Variants in GALNT18 observed in about 807,000 individuals in gnomAD.
GALNT18 encodes polypeptide N-acetylgalactosaminyltransferase 18, also known as GalNAc-transferase 18.
GALNT18 carries 44 observed loss-of-function variants against 69.5 expected under a neutral mutation model. That is an observed-to-expected ratio of 0.63 (90% CI 0.50 to 0.81). The LOEUF (loss-of-function observed/expected upper bound fraction) is 0.81. Among genes scored for constraint, GALNT18 ranks in the 40% least tolerant of loss-of-function variants. The pLI, the probability that GALNT18 is intolerant of heterozygous loss-of-function variation, is 0.00. For missense variants in GALNT18, 715 were observed against 810.0 expected (o/e 0.88, Z 1.42); for synonymous variants, 364 against 318.2 (o/e 1.14, Z -1.53).
Position 11,572,739 on chromosome 11 carries a change from G to A in GALNT18, c.235+48620C>T, listed in dbSNP as rs116753946. ...GGAACAGATGGCCCTCGCAACCCTC[G>A]CCTTCCTGCCAACTATTAGGATGCA... On this transcript the variant is annotated intron_variant, in intron 1 of 10. Transcript: ENST00000227756. 8.2e-3 allele frequency among the ~76,000 whole-genome samples: 1,242 copies of A among 152,254 alleles called. 24 individuals carry two copies. The highest frequency in any genetic ancestry group is 0.029 in the African/African-American group (1,188 of 41,550).
intron 1 of GALNT18, among the ~76,000 whole-genome samples, chr11:11,453,962 G>T (rs1855867491): frequency 6.6e-6 from 1 of 152,230 alleles, no homozygotes. Flanking sequence ...GCTCTGTGAG[G>T]TCAGGCATTT....
chr11:11,326,869 C>T (rs1464786686), intron 9 of GALNT18, among the ~76,000 whole-genome samples: 1 of 152,206 alleles, frequency 6.6e-6, no homozygotes, highest in Non-Finnish European at 1.5e-5. Flanking sequence ...GGAGTCATAG[C>T]ATCCACTCCC....
chr11:11,477,932 C>A (rs980274704), intron 1 of GALNT18, among the ~76,000 whole-genome samples: 55 of 152,174 alleles, frequency 3.6e-4, no homozygotes, highest in African/African-American at 1.3e-3. Context: ...GCCAGAAAGT[C>A]CTACAATTAG....
rs1441989935 is a variant in GALNT18 at position 11,382,559 on chromosome 11, T to C, written c.596-3295A>G. On this transcript the variant is annotated intron_variant, in intron 3 of 10. Transcript: ENST00000227756. The surrounding 1 kb of genome is among the most constrained non-coding windows in gnomAD (Gnocchi z 4.3). Reference sequence around the variant, plus strand: ...TTTGGAGTTGAACTTGTGTTTTTTCTTACAGCCAAACACAAGTACCCAGCC... The same window carrying C: ...TTTGGAGTTGAACTTGTGTTTTTTCCTACAGCCAAACACAAGTACCCAGCC... 6.6e-6 allele frequency among the ~76,000 whole-genome samples: 1 copy of C among 152,202 alleles called. No homozygotes were observed. Among genetic ancestry groups the C allele is most frequent in the Non-Finnish European group, 1.5e-5 (1 of 68,036 alleles).
At chr11:11,292,196 C>T (rs1849313539) in intron 10 of GALNT18, among the ~76,000 whole-genome samples, 1 of 152,168 alleles carries the variant, frequency 6.6e-6, no homozygotes, top group Non-Finnish European at 1.5e-5. Flanking sequence ...GGCTCCCTCA[C>T]TTCCTGTTAT....
At position 11,444,233 on chromosome 11, in the gene GALNT18, G is replaced by T. The variant is rs897710122; in HGVS notation, c.428+4511C>A. 7.3e-5 allele frequency among the ~76,000 whole-genome samples: 11 copies of T among 151,432 alleles called. No individual in the cohort carries two copies. Among genetic ancestry groups the T allele is most frequent in the Non-Finnish European group, 1.6e-4 (11 of 67,914 alleles). ...GGCCCCGCCTCCCTGCCACAGAGAG[G>T]TGCCTTGCAGATGCCACCCTCCAGG... On this transcript the variant is annotated intron_variant, in intron 2 of 10. Coordinates refer to ENST00000227756, the MANE Select transcript of GALNT18 (RefSeq NM_198516.3). The surrounding 1 kb of genome is among the most constrained non-coding windows in gnomAD (Gnocchi z 4.4).
intron 1 of GALNT18, among the ~76,000 whole-genome samples, chr11:11,611,814 G>A (rs1859910601): frequency 6.6e-6 from 1 of 152,180 alleles, no homozygotes; most frequent in Admixed American, 6.5e-5. Context: ...ACCAGTTCCT[G>A]GAGGCCCCAC....
Position 11,332,321 on chromosome 11 carries a change from GAGGCACACAGGGTGACTCATAGACCCTC to G in GALNT18, c.1416+345_1416+372del, listed in dbSNP as rs1377531521. On this transcript the variant is annotated intron_variant, in intron 8 of 10. Coordinates refer to ENST00000227756, the MANE Select transcript of GALNT18 (RefSeq NM_198516.3). The surrounding 1 kb of genome is among the most constrained non-coding windows in gnomAD (Gnocchi z 4.3). The stretch of plus-strand genomic sequence containing the variant: ...GGGAGGCATTAGCTCCTTGGTCAGG[GAGGCACACAGGGTGACTCATAGACCCTC>G]AGGCACCCCAGCTGGGAGAACAGCA... Among the ~76,000 whole-genome samples, 4 of 152,228 alleles carry G rather than the reference GAGGCACACAGGGTGACTCATAGACCCTC, an allele frequency of 2.6e-5. No homozygotes were observed. The highest frequency in any genetic ancestry group is 9.6e-5 in the African/African-American group (4 of 41,456).
Position 11,620,982 on chromosome 11 carries a change from TAC to T in GALNT18, c.235+375_235+376del, listed in dbSNP as rs986313736. Among the ~76,000 whole-genome samples, 8 of 151,026 alleles carry T rather than the reference TAC, an allele frequency of 5.3e-5. No homozygotes were observed. The highest frequency in any genetic ancestry group is 8.9e-5 in the Non-Finnish European group (6 of 67,760). On this transcript the variant is annotated intron_variant, in intron 1 of 10. Coordinates refer to ENST00000227756, the MANE Select transcript of GALNT18 (RefSeq NM_198516.3). The surrounding 1 kb of genome is among the most constrained non-coding windows in gnomAD (Gnocchi z 6.9). ...TCGTTTGCCCGCGCGTTCCCTCTTG[TAC>T]ACACACAGACATTCACATGCACACA...
chr11:11,531,554 A>G (rs1289210021), intron 1 of GALNT18, among the ~76,000 whole-genome samples: 1 of 152,226 alleles, frequency 6.6e-6, no homozygotes, highest in Non-Finnish European at 1.5e-5. Context: ...AGGCTCAGCC[A>G]AGGGAAGCCA....
rs1196074276 is a variant in GALNT18 at position 11,480,663 on chromosome 11, A to T, written c.236-31727T>A. 6.6e-6 allele frequency among the ~76,000 whole-genome samples: 1 copy of T among 152,140 alleles called. No homozygotes were observed. The highest frequency in any genetic ancestry group is 1.5e-5 in the Non-Finnish European group (1 of 68,028). On this transcript the variant is annotated intron_variant, in intron 1 of 10. Coordinates refer to ENST00000227756, the MANE Select transcript of GALNT18 (RefSeq NM_198516.3). The surrounding 1 kb of genome is among the most constrained non-coding windows in gnomAD (Gnocchi z 4.6). ...CTACTGGGGATCACTGAGAGCAGAG[A>T]AGTGACATTGAGAGGCTGGCTTCAG... is the stretch of plus-strand genomic sequence containing the variant.
intron 1 of GALNT18, among the ~76,000 whole-genome samples, chr11:11,520,832 C>A (rs1304488028): frequency 9.9e-5 from 15 of 152,158 alleles, no homozygotes; most frequent in Admixed American, 9.8e-4. Flanking sequence ...CCAGGCAAGG[C>A]AGTCCCCTCA....
Position 11,396,160 on chromosome 11 carries a change from C to T in GALNT18, c.596-16896G>A, listed in dbSNP as rs1285755090. ...AGTCTGGGCAGGAAACCGAGGAACTCGGATAGCTGTGTGATACATTCATTG... is the reference window on the plus strand; with the variant it reads ...AGTCTGGGCAGGAAACCGAGGAACTTGGATAGCTGTGTGATACATTCATTG... On this transcript the variant is annotated intron_variant, in intron 3 of 10. Transcript: ENST00000227756. The surrounding 1 kb of genome is among the most constrained non-coding windows in gnomAD (Gnocchi z 5.2). 5.9e-5 allele frequency among the ~76,000 whole-genome samples: 9 copies of T among 152,224 alleles called. No individual in the cohort carries two copies. Among genetic ancestry groups the T allele is most frequent in the Non-Finnish European group, 8.8e-5 (6 of 68,052 alleles).
At position 11,603,345 on chromosome 11, in the gene GALNT18, A is replaced by G. The variant is rs539629062; in HGVS notation, c.235+18014T>C. On this transcript the variant is annotated intron_variant, in intron 1 of 10. Coordinates refer to ENST00000227756, the MANE Select transcript of GALNT18 (RefSeq NM_198516.3). This position sits in a 1 kb window ranked among gnomAD's most constrained non-coding sequence, Gnocchi z 4.5. Reference sequence around the variant, plus strand: ...TAGAGAGTTTTCTAGATCTGAGCAGATTTCTCAGCTAAAGCCTAACTGTAT... The same window carrying G: ...TAGAGAGTTTTCTAGATCTGAGCAGGTTTCTCAGCTAAAGCCTAACTGTAT... 6.6e-6 allele frequency among the ~76,000 whole-genome samples: 1 copy of G among 152,324 alleles called. No individual in the cohort carries two copies. The highest frequency in any genetic ancestry group is 2.4e-5 in the African/African-American group (1 of 41,564).
At chr11:11,301,352 C>G (rs993580242) in intron 9 of GALNT18, among the ~76,000 whole-genome samples, 1 of 152,214 alleles carries the variant, frequency 6.6e-6, no homozygotes, top group Non-Finnish European at 1.5e-5. Flanking sequence ...GCAGGCCTCT[C>G]TGCAGACAGG....
chr11:11,519,415 C>A (rs1814573599), intron 1 of GALNT18, among the ~76,000 whole-genome samples: 1 of 152,134 alleles, frequency 6.6e-6, no homozygotes, highest in African/African-American at 2.4e-5. Flanking sequence ...AGAGCACAGC[C>A]ACTGCCAGAT....
At chr11:11,327,382 G>A (rs1448965253) in intron 8 of GALNT18, among the ~76,000 whole-genome samples, 1 of 152,236 alleles carries the variant, frequency 6.6e-6, no homozygotes, top group African/African-American at 2.4e-5. Flanking sequence ...TCCTTTGCAG[G>A]AGAAACACTT....
In GALNT18 at chr11:11,432,201, C is replaced by T. The variant is rs1165901911; in HGVS notation, c.595+420G>A. ...CCACTACAACCTCCATCACCACCAG[C>T]ACCATCATCACCACTGCCACTGCTA... On this transcript the variant is annotated intron_variant, in intron 3 of 10. Coordinates refer to ENST00000227756, the MANE Select transcript of GALNT18 (RefSeq NM_198516.3). This position sits in a 1 kb window ranked among gnomAD's most constrained non-coding sequence, Gnocchi z 5.8. 2.0e-5 allele frequency among the ~76,000 whole-genome samples: 3 copies of T among 152,214 alleles called. No individual in the cohort carries two copies. The highest frequency in any genetic ancestry group is 4.4e-5 in the Non-Finnish European group (3 of 68,028).
chr11:11,451,540 G>A (rs11827435), intron 1 of GALNT18, among the ~76,000 whole-genome samples: 39,686 of 151,956 alleles, frequency 0.26, 5,663 homozygotes, highest in African/African-American at 0.39. Flanking sequence ...AAGATGAGGT[G>A]GAGGGCCTAC....
Sources: allele counts gnomAD v4.1 joint callset (sites outside exome capture counted in the v4.1 genomes callset), GRCh38; gene constraint gnomAD v4.1.1; non-coding constraint Gnocchi (gnomAD v3.1); transcripts MANE v1.5; gene names NCBI Gene and HGNC (gene_info 2026-07-23, HGNC 2026-07-21).